Variants in KAZN observed in about 807,000 individuals in gnomAD.
KAZN encodes kazrin, periplakin interacting protein.
A neutral mutation model predicts 87.4 loss-of-function variants in KAZN; 40 were observed. The ratio of observed to expected loss-of-function variants is 0.46; its 90% CI spans 0.36 to 0.60. KAZN has a LOEUF of 0.60. Among genes scored for constraint, KAZN ranks in the 20% least tolerant of loss-of-function variants. The pLI is 0.00. For missense variants in KAZN, 898 were observed against 1,073.9 expected (o/e 0.84, Z 2.29); for synonymous variants, 466 against 458.3 (o/e 1.02, Z -0.22).
intron 2 of KAZN, among the ~76,000 whole-genome samples, chr1:15,001,307 C>CAA (rs201932238): frequency 3.0e-3 from 294 of 97,802 alleles, no homozygotes; most frequent in African/African-American, 9.7e-3. Context: ...ACTAAAAATA[C>CAA]AAAAAAAAAA....
intron 8 of KAZN, among the ~76,000 whole-genome samples, chr1:15,068,899 G>C (rs145316495): frequency 6.6e-6 from 1 of 152,034 alleles, no homozygotes; most frequent in Non-Finnish European, 1.5e-5. Context: ...ACACGATGCC[G>C]AGGTGAAAAT....
intron 2 of KAZN, among the ~76,000 whole-genome samples, chr1:14,993,915 G>A (rs1667607817): frequency 4.6e-5 from 7 of 152,234 alleles, no homozygotes; most frequent in Admixed American, 4.6e-4. Flanking sequence ...GCAGGGAACA[G>A]GACAGGCACT....
At chr1:14,843,254 G>A (rs760040076) in intron 1 of KAZN, among the ~76,000 whole-genome samples, 5 of 152,162 alleles carry the variant, frequency 3.3e-5, no homozygotes, top group African/African-American at 4.8e-5. Context: ...CAAAGGGAGA[G>A]AGAATCCAGA....
chr1:14,842,413 G>A (rs1648127546), intron 1 of KAZN, among the ~76,000 whole-genome samples: 1 of 152,202 alleles, frequency 6.6e-6, no homozygotes, highest in Non-Finnish European at 1.5e-5. Context: ...AGCACGATGA[G>A]AAGACTGAGG....
intron 3 of KAZN, among the ~76,000 whole-genome samples, chr1:15,037,545 G>A (rs1672461131): frequency 6.6e-6 from 1 of 152,110 alleles, no homozygotes; most frequent in Non-Finnish European, 1.5e-5. Context: ...GGTTCCCGGG[G>A]CATGGAAAGC....
intron 2 of KAZN, among the ~76,000 whole-genome samples, chr1:14,482,075 G>A (rs72645956): frequency 0.019 from 2,892 of 152,250 alleles, 47 homozygotes; most frequent in Non-Finnish European, 0.027. Flanking sequence ...AGGCAATGTC[G>A]GACAGCTTGA....
chr1:14,460,122 G>A (rs959923827), intron 2 of KAZN, among the ~76,000 whole-genome samples: 3 of 152,314 alleles, frequency 2.0e-5, no homozygotes, highest in East Asian at 1.9e-4. Context: ...GGGCCTGGTC[G>A]ACTGGCACTG....
rs1209172357 is a variant in KAZN, at chr1:15,044,886, CTT to C, written c.726+730_726+731del. Among the ~76,000 whole-genome samples, 3 of 152,156 alleles carry C rather than the reference CTT, an allele frequency of 2.0e-5. No homozygotes were observed. In the South Asian group the frequency reaches 6.2e-4, roughly 32 times the overall value. Reference sequence around the variant, plus strand: ...TATTTCTTTGTTTGTTTATTGGCCTCTTTTCAAATGTCTTTGCAGCAAAAATG... The same window carrying C: ...TATTTCTTTGTTTGTTTATTGGCCTCTTCAAATGTCTTTGCAGCAAAAATG... On this transcript the variant is annotated intron_variant, in intron 4 of 14. Transcript: ENST00000376030.
chr1:14,921,797 C>T (rs1572835739), intron 1 of KAZN, among the ~76,000 whole-genome samples: 1 of 152,238 alleles, frequency 6.6e-6, no homozygotes, highest in Admixed American at 6.5e-5. Context: ...CTGCAGCCTC[C>T]CCCTCCTAGG....
intron 1 of KAZN, among the ~76,000 whole-genome samples, chr1:14,128,551 C>T (rs1294963229): frequency 6.6e-6 from 1 of 152,014 alleles, no homozygotes; most frequent in African/African-American, 2.4e-5. Flanking sequence ...CTCTGTGTAC[C>T]CCTGTGGTCT....
At chr1:14,589,407 C>G (rs911382998) in intron 2 of KAZN, among the ~76,000 whole-genome samples, 2 of 151,842 alleles carry the variant, frequency 1.3e-5, no homozygotes, top group African/African-American at 4.8e-5. Flanking sequence ...GCTATAGACA[C>G]AGCATCCTAA....
chr1:14,223,482 TGGC>T (rs1647157440), intron 2 of KAZN, among the ~76,000 whole-genome samples: 1 of 152,192 alleles, frequency 6.6e-6, no homozygotes, highest in African/African-American at 2.4e-5. Flanking sequence ...CATTTTATAC[TGGC>T]TCACCCATAA....
At chr1:14,673,560 C>T (rs1640041927) in intron 1 of KAZN, among the ~76,000 whole-genome samples, 1 of 152,158 alleles carries the variant, frequency 6.6e-6, no homozygotes, top group Non-Finnish European at 1.5e-5. Context: ...GGGCCAGCCC[C>T]TGCATTTCAC....
At chr1:14,617,474 A>C (rs1396274250) in intron 1 of KAZN, among the ~76,000 whole-genome samples, 1 of 152,340 alleles carries the variant, frequency 6.6e-6, no homozygotes, top group Middle Eastern at 3.4e-3. Flanking sequence ...GAGAGGGGTT[A>C]CCACAAACCT....
intron 11 of KAZN, 133 bp downstream of exon 11, chr1:15,101,907 T>C (rs1641085244): frequency 7.5e-6 from 5 of 662,892 alleles, no homozygotes; most frequent in African/African-American, 3.6e-5. Context: ...CATCCAGCCA[T>C]CCATTTATTG....
At chr1:14,195,656 A>G (rs1646512379) in intron 2 of KAZN, among the ~76,000 whole-genome samples, 1 of 152,234 alleles carries the variant, frequency 6.6e-6, no homozygotes, top group African/African-American at 2.4e-5. Context: ...AAATTGGAAC[A>G]GGATTTTTAA....
chr1:15,060,355 A>G (rs1573221792), intron 6 of KAZN, 53 bp downstream of exon 6: 4 of 1,496,636 alleles, frequency 2.7e-6, no homozygotes, highest in Non-Finnish European at 3.7e-6. Context: ...CAGAAACTGC[A>G]GGGGCGGGGG....
intron 2 of KAZN, among the ~76,000 whole-genome samples, chr1:14,537,462 G>A (rs1054334112): frequency 6.6e-6 from 1 of 152,266 alleles, no homozygotes; most frequent in Non-Finnish European, 1.5e-5. Context: ...ACGGCTAGTG[G>A]GTATGATCTT....
At chr1:14,946,317 CTCTCTT>C (rs1475142402) in intron 1 of KAZN, 2 of 147,818 alleles carry the variant, frequency 1.4e-5, no homozygotes, top group African/African-American at 5.2e-5. Context: ...TAAATTCTCT[CTCTCTT>C]TTTTTTTTTT....
Sources: allele counts gnomAD v4.1 joint callset (sites outside exome capture counted in the v4.1 genomes callset), GRCh38; gene constraint gnomAD v4.1.1; transcripts MANE v1.5; gene names NCBI Gene and HGNC (gene_info 2026-07-23, HGNC 2026-07-21).